Variants in PRDM10 observed in about 807,000 individuals in gnomAD.
PRDM10 encodes the protein PR/SET domain 10.
PRDM10 carries 65 observed loss-of-function variants against 133.1 expected under a neutral mutation model. The ratio of observed to expected loss-of-function variants is 0.49; its 90% CI spans 0.40 to 0.60. The LOEUF (loss-of-function observed/expected upper bound fraction) is 0.60, where lower values mean the gene tolerates loss of function less well. Ranked by LOEUF, PRDM10 falls within the 20% of genes least tolerant of loss-of-function variation. PRDM10 has a pLI of 0.00. For synonymous variants in PRDM10, 582 were observed against 580.4 expected, an observed-to-expected ratio of 1.00 and a Z score of -0.04; for missense variants, 1,137 against 1,507.1, an observed-to-expected ratio of 0.75 and a Z score of 4.07.
intron 1 of PRDM10, among the ~76,000 whole-genome samples, chr11:130,001,893 C>T (rs1177587646): frequency 2.0e-5 from 3 of 151,916 alleles, no homozygotes; most frequent in Non-Finnish European, 4.4e-5. Context: ...CGCCTCCGCC[C>T]GGCCAGCCCC....
At position 129,937,592 on chromosome 11, in the gene PRDM10, A is replaced by C; in HGVS notation, c.1039+6T>G. On this transcript the variant is annotated splice_donor_region_variant and intron_variant, in intron 8 of 20. Transcript: ENST00000360871. ...TAGAAAATGTAAAACATAAACGTCTAACCACCTTTCCTTTCTTCCTCAGAA... is the reference window on the plus strand; with the variant it reads ...TAGAAAATGTAAAACATAAACGTCTCACCACCTTTCCTTTCTTCCTCAGAA... The C allele has an allele frequency of 6.2e-7, 1 of 1,612,460 alleles. No homozygotes were observed. Among genetic ancestry groups the C allele is most frequent in the Non-Finnish European group, 8.5e-7 (1 of 1,179,136 alleles).
intron 19 of PRDM10, among the ~76,000 whole-genome samples, chr11:129,909,389 G>A (rs1025440232): frequency 7.2e-5 from 11 of 151,746 alleles, no homozygotes; most frequent in African/African-American, 2.7e-4. Context: ...GGCGGAGGTT[G>A]CAGTGAGCCG....
intron 1 of PRDM10, among the ~76,000 whole-genome samples, chr11:129,961,572 C>T (rs539324110): frequency 6.6e-6 from 1 of 151,116 alleles, no homozygotes; most frequent in East Asian, 2.0e-4. Context: ...TCCCAAAGCG[C>T]TGGGATTACA....
At chr11:129,994,923 G>A (rs1301573844) in intron 1 of PRDM10, among the ~76,000 whole-genome samples, 1 of 152,172 alleles carries the variant, frequency 6.6e-6, no homozygotes, top group African/African-American at 2.4e-5. Context: ...AAAGTGCTGG[G>A]ATTACAGGCG....
chr11:129,985,971 T>TAGTCCC (rs1938419747), intron 1 of PRDM10, among the ~76,000 whole-genome samples: 1 of 151,752 alleles, frequency 6.6e-6, no homozygotes, highest in Admixed American at 6.6e-5. Flanking sequence ...GCTGCAAGAT[T>TAGTCCC]AGTCCCAGTG....
chr11:129,979,364 AC>A, intron 1 of PRDM10, among the ~76,000 whole-genome samples: 1 of 151,772 alleles, frequency 6.6e-6, no homozygotes, highest in Non-Finnish European at 1.5e-5. Flanking sequence ...TCCCCAGGAT[AC>A]CCACCATCCT....
intron 8 of PRDM10, 133 bp downstream of exon 8, chr11:129,937,465 G>C (rs1951069240): frequency 1.6e-6 from 1 of 624,538 alleles, no homozygotes; most frequent in Non-Finnish European, 2.7e-6. Flanking sequence ...ATGGAGATGT[G>C]TGTCTCTAAA....
Position 129,923,928 on chromosome 11 carries a change from G to C in PRDM10, c.1879-525C>G, listed in dbSNP as rs1950599218. ...GAAGAATTAAAGACATGAATGAGTG[G>C]ATACAGAAGACATTACCGGTTTGTG... On this transcript the variant is annotated intron_variant, in intron 12 of 20. Transcript: ENST00000360871. This position sits in a 1 kb window ranked among gnomAD's most constrained non-coding sequence, Gnocchi z 4.4. Among the ~76,000 whole-genome samples, 1 of 152,214 alleles carries C rather than the reference G, an allele frequency of 6.6e-6. No homozygotes were observed. The highest frequency in any genetic ancestry group is 6.5e-5 in the Admixed American group (1 of 15,280).
In PRDM10 at chr11:129,918,471, G is replaced by T; in HGVS notation, c.2214+68C>A. ...ACTTAGGACACAATGCAACACAAAC[G>T]TCACCATCATCGACAGCAATGAGGT... On this transcript the variant is annotated intron_variant, in intron 14 of 20. Transcript: ENST00000360871. This position sits in a 1 kb window ranked among gnomAD's most constrained non-coding sequence, Gnocchi z 5.3. The T allele has an allele frequency of 6.5e-7, 1 of 1,526,978 alleles. No homozygotes were observed. Among genetic ancestry groups the T allele is most frequent in the Non-Finnish European group, 8.9e-7 (1 of 1,128,202 alleles). The allele number at this position is 1,526,978 out of a possible 1,614,324, so 94.6% of individuals were successfully genotyped here.
intron 7 of PRDM10, among the ~76,000 whole-genome samples, chr11:129,939,105 C>A (rs1356755905): frequency 1.3e-5 from 2 of 152,200 alleles, no homozygotes; most frequent in Non-Finnish European, 2.9e-5. Context: ...TTTCTTGTTA[C>A]CTGCTCTTCC....
intron 1 of PRDM10, among the ~76,000 whole-genome samples, chr11:129,985,567 G>A (rs1591696015): frequency 6.6e-6 from 1 of 151,728 alleles, no homozygotes; most frequent in African/African-American, 2.4e-5. Flanking sequence ...CGAAGTGGGA[G>A]GACTGCTTGA....
chr11:129,959,204 T>A (rs1432293542), intron 2 of PRDM10, among the ~76,000 whole-genome samples: 2 of 152,136 alleles, frequency 1.3e-5, no homozygotes, highest in Non-Finnish European at 2.9e-5. Flanking sequence ...CAAAATGTAA[T>A]CAAACACCAC....
chr11:129,998,567 A>T lies in PRDM10; in HGVS notation c.-119+4155T>A, dbSNP rs144936146. The stretch of plus-strand genomic sequence containing the variant: ...TTATAATTGTTTTCACCACATTTTA[A>T]CTAGTCTTGCTGTAACTATACTTAG... On this transcript the variant is annotated intron_variant, in intron 1 of 20. Transcript: ENST00000360871. Among the ~76,000 whole-genome samples, 26 of 152,282 alleles carry T rather than the reference A, an allele frequency of 1.7e-4. No homozygotes were observed. In the East Asian group the frequency reaches 4.8e-3, roughly 28 times the overall value.
intron 1 of PRDM10, among the ~76,000 whole-genome samples, chr11:129,997,533 G>T (rs1029166226): frequency 6.6e-6 from 1 of 152,128 alleles, no homozygotes; most frequent in African/African-American, 2.4e-5. Context: ...TGGTCCAAAC[G>T]GTTCCTTCCA....
At chr11:129,997,525 G>T (rs1939128950) in intron 1 of PRDM10, among the ~76,000 whole-genome samples, 1 of 152,160 alleles carries the variant, frequency 6.6e-6, no homozygotes, top group African/African-American at 2.4e-5. Context: ...TCACGAGCTG[G>T]TCCAAACGGT....
intron 1 of PRDM10, among the ~76,000 whole-genome samples, chr11:129,977,255 T>TACACACACAC (rs71057991): frequency 0.012 from 1,543 of 132,458 alleles, 18 homozygotes; most frequent in Middle Eastern, 0.019. Flanking sequence ...ATGACTAAAA[T>TACACACACAC]ACACACACAC....
chr11:129,926,127 C>A lies in PRDM10; in HGVS notation c.1531-898G>T, dbSNP rs145976109. Among the ~76,000 whole-genome samples the A allele has an allele frequency of 4.0e-3, 609 of 152,320 alleles. 10 individuals are homozygous for A. Among genetic ancestry groups the A allele is most frequent in the African/African-American group, 0.014 (581 of 41,582 alleles). On this transcript the variant is annotated intron_variant, in intron 11 of 20. Transcript: ENST00000360871. ...CCTGCCTCGACCAGGCAATTCTGCT[C>A]TTTGTTTTCAGGCACAGATTGCACT...
At chr11:130,002,129 ACCCCCAGCCCGGCGCCCGG>A (rs1180291020) in intron 1 of PRDM10, among the ~76,000 whole-genome samples, 1 of 148,368 alleles carries the variant, frequency 6.7e-6, no homozygotes, top group African/African-American at 2.5e-5. Flanking sequence ...CCGCACTGCC[ACCCCCAGCCCGGCGCCCGG>A]CCCCCAGCCC....
intron 9 of PRDM10, 138 bp from the exon 10 acceptor site, chr11:129,932,369 A>T: frequency 8.8e-7 from 1 of 1,131,500 alleles, no homozygotes; most frequent in Non-Finnish European, 1.2e-6. Context: ...TCCAATAGAA[A>T]CAACTGTTTT....
Sources: gnomAD v4.1 joint callset for allele counts (sites outside exome capture counted in the v4.1 genomes callset) on GRCh38, gnomAD v4.1.1 for gene constraint, Gnocchi (gnomAD v3.1) non-coding constraint, MANE v1.5 for transcripts, NCBI Gene and HGNC (gene_info 2026-07-23, HGNC 2026-07-21) for gene names.